The following ZRANB3 variants were observed in gnomAD, a reference collection of about 807,000 sequenced individuals.
The protein encoded by ZRANB3 is DNA annealing helicase and endonuclease ZRANB3.
In ZRANB3, 125 loss-of-function variants were observed where a neutral mutation model predicts 133.8. The observed-to-expected ratio is 0.93, with a 90% CI of 0.81 to 1.08. The LOEUF (loss-of-function observed/expected upper bound fraction) is 1.08, where lower values mean the gene tolerates loss of function less well. ZRANB3 is among the 50% of genes least tolerant of loss of function. The probability of loss-of-function intolerance (pLI) is 0.00; values close to 1 mark genes in which losing one functional copy is unlikely to be tolerated. For missense variants in ZRANB3, 1,229 were observed against 1,275.5 expected (o/e 0.96, Z 0.56); for synonymous variants, 387 against 432.7 (o/e 0.89, Z 1.31).
chr2:135,369,347 A>G (rs1171183680), intron 3 of ZRANB3, among the ~76,000 whole-genome samples: 1 of 152,164 alleles, frequency 6.6e-6, no homozygotes, highest in Non-Finnish European at 1.5e-5. Context: ...ATCATTACAA[A>G]TATATTTTAT....
chr2:135,264,098 A>C (rs533882013), intron 12 of ZRANB3, among the ~76,000 whole-genome samples: 73 of 151,656 alleles, frequency 4.8e-4, no homozygotes, highest in Middle Eastern at 6.8e-3. Context: ...CCATAGTGGT[A>C]TTTTTTTAAA....
intron 5 of ZRANB3, among the ~76,000 whole-genome samples, chr2:135,349,566 T>C (rs748967809): frequency 6.6e-6 from 1 of 152,200 alleles, no homozygotes; most frequent in Non-Finnish European, 1.5e-5. Context: ...AATGTGACTC[T>C]TAAAGTGAAA....
At chr2:135,486,822 G>A (rs2104800969) in intron 2 of ZRANB3, among the ~76,000 whole-genome samples, 1 of 152,242 alleles carries the variant, frequency 6.6e-6, no homozygotes, top group African/African-American at 2.4e-5. Context: ...CCCCTCTACT[G>A]AAGTCTTGAA....
At chr2:135,483,162 C>T (rs1691916453) in intron 2 of ZRANB3, among the ~76,000 whole-genome samples, 1 of 151,652 alleles carries the variant, frequency 6.6e-6, no homozygotes, top group Admixed American at 6.6e-5. Context: ...CCCTCTTTTT[C>T]TATTGATTGG....
chr2:135,396,233 A>G (rs1406793502), intron 2 of ZRANB3, among the ~76,000 whole-genome samples: 2 of 152,226 alleles, frequency 1.3e-5, no homozygotes, highest in African/African-American at 4.8e-5. Context: ...TAGTATAGCC[A>G]CTATGGGGAA....
chr2:135,446,194 G>A (rs1472550916), intron 2 of ZRANB3, among the ~76,000 whole-genome samples: 1 of 135,430 alleles, frequency 7.4e-6, no homozygotes, highest in Non-Finnish European at 1.5e-5. Flanking sequence ...CAACAAGAGC[G>A]AAACTCAATC....
At chr2:135,529,257 G>A (rs931781215) in intron 1 of ZRANB3, among the ~76,000 whole-genome samples, 1 of 152,182 alleles carries the variant, frequency 6.6e-6, no homozygotes, top group Non-Finnish European at 1.5e-5. Context: ...CGCATAGGGA[G>A]GGAAAAACCC....
intron 2 of ZRANB3, among the ~76,000 whole-genome samples, chr2:135,409,655 G>A (rs1280093522): frequency 1.3e-5 from 2 of 151,928 alleles, no homozygotes; most frequent in African/African-American, 4.8e-5. Context: ...GAAAGAAATA[G>A]AAAGCATCCG....
chr2:135,474,122 C>T (rs1253213917), intron 2 of ZRANB3, among the ~76,000 whole-genome samples: 1 of 152,052 alleles, frequency 6.6e-6, no homozygotes, highest in African/African-American at 2.4e-5. Flanking sequence ...GCCTGGAAAC[C>T]AGAGGTTGCA....
intron 1 of ZRANB3, among the ~76,000 whole-genome samples, chr2:135,516,804 T>C (rs1693717341): frequency 1.3e-5 from 2 of 152,204 alleles, no homozygotes; most frequent in African/African-American, 4.8e-5. Flanking sequence ...ATTTCCTGAA[T>C]TTGAATGTTG....
intron 12 of ZRANB3, among the ~76,000 whole-genome samples, chr2:135,250,600 A>T (rs1679344433): frequency 6.6e-6 from 1 of 152,238 alleles, no homozygotes; most frequent in South Asian, 2.1e-4. Context: ...GGTTCCCTGC[A>T]TCCCAGCTGC....
In ZRANB3 at chr2:135,248,256, C is replaced by T. The variant is rs1043577597; in HGVS notation, c.1539+17278G>A. Among the ~76,000 whole-genome samples, 4 of 152,184 alleles carry T rather than the reference C, an allele frequency of 2.6e-5. No homozygotes were observed. The East Asian group carries it at 5.8e-4, about 22-fold the overall frequency. ...CTCCAAGCCTGGGGCTCTAGCCATC[C>T]GCCACCAGAGCTATTGAGCCAGTAG... On this transcript the variant is annotated intron_variant, in intron 12 of 20. Transcript: ENST00000264159.
intron 2 of ZRANB3, among the ~76,000 whole-genome samples, chr2:135,392,534 G>C (rs1687286063): frequency 6.6e-6 from 1 of 152,148 alleles, no homozygotes; most frequent in Non-Finnish European, 1.5e-5. Context: ...TGGATCACCT[G>C]AGGTCAGGAG....
intron 2 of ZRANB3, among the ~76,000 whole-genome samples, chr2:135,494,116 G>T (rs1692543241): frequency 7.0e-6 from 1 of 143,768 alleles, no homozygotes; most frequent in African/African-American, 2.6e-5. Context: ...GAGGGAGGGA[G>T]GGAGGAAGGG....
At chr2:135,291,224 G>C (rs1413343059) in intron 8 of ZRANB3, among the ~76,000 whole-genome samples, 6 of 151,704 alleles carry the variant, frequency 4.0e-5, no homozygotes, top group African/African-American at 1.2e-4. Context: ...TGTCACCCAG[G>C]GTGGAGTGAG....
chr2:135,382,643 C>T (rs984075401), intron 3 of ZRANB3, among the ~76,000 whole-genome samples: 2 of 152,132 alleles, frequency 1.3e-5, no homozygotes, highest in Admixed American at 6.5e-5. Flanking sequence ...GCGGATCTCT[C>T]GGCAGAAACT....
At chr2:135,213,295 T>G (rs973272054) in intron 17 of ZRANB3, among the ~76,000 whole-genome samples, 1 of 152,220 alleles carries the variant, frequency 6.6e-6, no homozygotes, top group Non-Finnish European at 1.5e-5. Flanking sequence ...TTTCTAAGTC[T>G]GGAGACTCTC....
At chr2:135,414,932 A>G (rs1688486203) in intron 2 of ZRANB3, among the ~76,000 whole-genome samples, 1 of 152,008 alleles carries the variant, frequency 6.6e-6, no homozygotes, top group Admixed American at 6.6e-5. Flanking sequence ...ACATACCAGA[A>G]TCTCTGGGAC....
chr2:135,463,825 C>A (rs1375495272), intron 2 of ZRANB3, among the ~76,000 whole-genome samples: 1 of 152,188 alleles, frequency 6.6e-6, no homozygotes, highest in Non-Finnish European at 1.5e-5. Context: ...TACCTTAGAA[C>A]TAGTCACAAA....
Sources: gnomAD v4.1 joint callset for allele counts (sites outside exome capture counted in the v4.1 genomes callset) on GRCh38, gnomAD v4.1.1 for gene constraint, MANE v1.5 for transcripts, NCBI Gene and HGNC (gene_info 2026-07-23, HGNC 2026-07-21) for gene names.